The following MAP2 variants were observed in gnomAD, a reference collection of about 807,000 sequenced individuals.
MAP2 encodes the protein microtubule-associated protein 2.
Under a neutral mutation model 137.6 loss-of-function variants are expected in MAP2, and 14 were observed. The ratio of observed to expected loss-of-function variants is 0.10; its 90% confidence interval spans 0.07 to 0.16. The LOEUF (loss-of-function observed/expected upper bound fraction) is 0.16. Ranked by LOEUF, MAP2 falls within the 10% of genes least tolerant of loss-of-function variation. The pLI is 1.00. For missense variants in MAP2, 2,088 were observed against 2,191.5 expected (o/e 0.95, Z 0.94); for synonymous variants, 786 against 782.3 (o/e 1.00, Z -0.08).
chr2:209,538,342 G>A (rs1474135058), intron 2 of MAP2, among the ~76,000 whole-genome samples: 1 of 152,146 alleles, frequency 6.6e-6, no homozygotes, highest in African/African-American at 2.4e-5. Context: ...GGTTAAAAGA[G>A]TTAGTGAATT....
intron 1 of MAP2, among the ~76,000 whole-genome samples, chr2:209,452,228 A>G (rs1332816810): frequency 6.6e-6 from 1 of 152,138 alleles, no homozygotes; most frequent in Non-Finnish European, 1.5e-5. Context: ...GATCTCTACA[A>G]GTAGACAGAG....
chr2:209,591,487 C>T (rs2079228578), intron 3 of MAP2, among the ~76,000 whole-genome samples: 1 of 151,538 alleles, frequency 6.6e-6, no homozygotes, highest in African/African-American at 2.4e-5. Flanking sequence ...CCACAATTTT[C>T]CCACTGCCTT....
chr2:209,663,949 C>G (rs1319699450), intron 5 of MAP2, among the ~76,000 whole-genome samples: 1 of 152,122 alleles, frequency 6.6e-6, no homozygotes, highest in East Asian at 1.9e-4. Context: ...GGAAGGGTAC[C>G]ACCCTACAGC....
At chr2:209,475,079 T>G (rs552833982) in intron 1 of MAP2, among the ~76,000 whole-genome samples, 1 of 152,200 alleles carries the variant, frequency 6.6e-6, no homozygotes, top group African/African-American at 2.4e-5. Flanking sequence ...CTTGTCTTAA[T>G]CCTGCAGTCT....
chr2:209,499,548 G>A (rs1300494431), intron 1 of MAP2, among the ~76,000 whole-genome samples: 1 of 152,032 alleles, frequency 6.6e-6, no homozygotes, highest in Non-Finnish European at 1.5e-5. Context: ...TCAGTTCAAT[G>A]TATTAGGCTG....
At position 209,482,320 on chromosome 2, in the gene MAP2, A is replaced by G. The variant is rs147288571; in HGVS notation, c.-221-25272A>G. Among the ~76,000 whole-genome samples, 5 of 152,298 alleles carry G rather than the reference A, an allele frequency of 3.3e-5. No individual in the cohort carries two copies. In the East Asian group the frequency reaches 7.7e-4, roughly 24 times the overall value. ...TGCATAAATGACTGTCAGTAAGTTA[A>G]CTGTGCTGATTTAAAAAAAACTCAC... On this transcript the variant is annotated intron_variant, in intron 1 of 15. Transcript: ENST00000682079.
At chr2:209,724,482 T>C (rs888852386) in intron 13 of MAP2, among the ~76,000 whole-genome samples, 1 of 152,168 alleles carries the variant, frequency 6.6e-6, no homozygotes, top group Non-Finnish European at 1.5e-5. Flanking sequence ...TGATCATCCA[T>C]GACTCAAGTA....
At chr2:209,659,232 A>C (rs1429124238) in intron 5 of MAP2, among the ~76,000 whole-genome samples, 1 of 152,192 alleles carries the variant, frequency 6.6e-6, no homozygotes, top group African/African-American at 2.4e-5. Flanking sequence ...GAAAGCTTTC[A>C]AGACTCTTTT....
At chr2:209,474,942 A>AT (rs1013203800) in intron 1 of MAP2, among the ~76,000 whole-genome samples, 1 of 151,982 alleles carries the variant, frequency 6.6e-6, no homozygotes. Flanking sequence ...ATAATTTCAA[A>AT]TATCTTTTTC....
At chr2:209,629,346 G>T (rs1005036905) in intron 4 of MAP2, among the ~76,000 whole-genome samples, 9 of 152,026 alleles carry the variant, frequency 5.9e-5, no homozygotes, top group Admixed American at 3.9e-4. Context: ...GGTTTTTGTT[G>T]TTGTTGTTGT....
chr2:209,555,763 G>T (rs1307708119), intron 2 of MAP2, among the ~76,000 whole-genome samples: 1 of 152,068 alleles, frequency 6.6e-6, no homozygotes, highest in Non-Finnish European at 1.5e-5. Context: ...CATATCAAAA[G>T]TCTAGCCAGG....
At chr2:209,505,533 C>A (rs2060925733) in intron 1 of MAP2, among the ~76,000 whole-genome samples, 1 of 152,108 alleles carries the variant, frequency 6.6e-6, no homozygotes, top group Non-Finnish European at 1.5e-5. Flanking sequence ...CAAACAAAAT[C>A]AAAACCCAAC....
intron 3 of MAP2, among the ~76,000 whole-genome samples, chr2:209,591,338 C>G (rs2079183713): frequency 6.6e-6 from 1 of 152,164 alleles, no homozygotes; most frequent in African/African-American, 2.4e-5. Context: ...GCTGCTAAAC[C>G]TCCTACAGTG....
chr2:209,593,634 A>ATAT (rs1553608278), intron 3 of MAP2, among the ~76,000 whole-genome samples: 16 of 33,642 alleles, frequency 4.8e-4, no homozygotes, highest in African/African-American at 1.9e-3. Flanking sequence ...AAAAAAAAAA[A>ATAT]ATATATATAT....
chr2:209,620,157 C>T (rs1007927048), intron 3 of MAP2, among the ~76,000 whole-genome samples: 1 of 152,174 alleles, frequency 6.6e-6, no homozygotes, highest in Non-Finnish European at 1.5e-5. Context: ...TTAAGCCTTA[C>T]TTTTCTGACT....
intron 2 of MAP2, among the ~76,000 whole-genome samples, chr2:209,543,914 A>G (rs778445518): frequency 2.0e-5 from 3 of 152,150 alleles, no homozygotes; most frequent in Admixed American, 1.3e-4. Flanking sequence ...TTCGTTCTAA[A>G]TGTTTGTATC....
chr2:209,439,237 C>G (rs1033309056), intron 1 of MAP2, among the ~76,000 whole-genome samples: 1 of 151,546 alleles, frequency 6.6e-6, no homozygotes. Flanking sequence ...CATTGCTGCT[C>G]TGTTTTGTCA....
intron 13 of MAP2, among the ~76,000 whole-genome samples, chr2:209,714,767 A>G (rs2066871109): frequency 6.6e-6 from 1 of 152,226 alleles, no homozygotes; most frequent in South Asian, 2.1e-4. Context: ...AGAAGTTCTC[A>G]CATTACCTGC....
chr2:209,443,559 A>C (rs1698336654), intron 1 of MAP2, among the ~76,000 whole-genome samples: 1 of 14,824 alleles, frequency 6.7e-5, no homozygotes, highest in African/African-American at 3.5e-4. Context: ...GTATGCTACC[A>C]GTCTCTTCAA....
Sources: allele counts gnomAD v4.1 joint callset (sites outside exome capture counted in the v4.1 genomes callset), GRCh38; gene constraint gnomAD v4.1.1; transcripts MANE v1.5; gene names NCBI Gene and HGNC (gene_info 2026-07-23, HGNC 2026-07-21).